Variants in PHIP observed in about 807,000 individuals in gnomAD.
The protein encoded by PHIP is PH-interacting protein.
Under a neutral mutation model 236.8 loss-of-function variants are expected in PHIP, and 54 were observed. That is an observed-to-expected ratio of 0.23 (90% CI 0.18 to 0.29). The LOEUF (loss-of-function observed/expected upper bound fraction) is 0.29, where lower values mean the gene tolerates loss of function less well. Ranked by LOEUF, PHIP falls within the 10% of genes least tolerant of loss-of-function variation. The pLI is 1.00. For synonymous variants in PHIP, 756 were observed against 718.9 expected, an observed-to-expected ratio of 1.05 and a Z score of -0.83; for missense variants, 1,370 against 2,190.8, an observed-to-expected ratio of 0.63 and a Z score of 7.48.
chr6:78,973,713 A>G (rs1767801164), intron 24 of PHIP, among the ~76,000 whole-genome samples: 2 of 151,826 alleles, frequency 1.3e-5, no homozygotes, highest in African/African-American at 4.8e-5. Flanking sequence ...ACAAAAAAAG[A>G]CAGGGGTTGC....
At chr6:79,015,871 T>A (rs1582226390) in intron 13 of PHIP, 88 bp from the exon 14 acceptor site, 2 of 795,978 alleles carry the variant, frequency 2.5e-6, no homozygotes, top group East Asian at 5.6e-5. Flanking sequence ...GTATTTATAT[T>A]CACTAACATA....
intron 29 of PHIP, among the ~76,000 whole-genome samples, chr6:78,964,545 C>T (rs13202531): frequency 0.45 from 68,902 of 151,938 alleles, 16,216 homozygotes; most frequent in East Asian, 0.69. Flanking sequence ...CAGGCTGGAG[C>T]GCAGTGGTGC....
chr6:79,009,299 C>T (rs920769365), intron 15 of PHIP, among the ~76,000 whole-genome samples: 1 of 152,052 alleles, frequency 6.6e-6, no homozygotes, highest in African/African-American at 2.4e-5. Context: ...ATGAACATGT[C>T]TTGACACTTA....
At chr6:78,960,977 A>T (rs1220978529) in intron 31 of PHIP, among the ~76,000 whole-genome samples, 18 of 152,274 alleles carry the variant, frequency 1.2e-4, no homozygotes, top group Admixed American at 1.0e-3. Flanking sequence ...ACACAAATTA[A>T]ATTGTTGGAC....
chr6:79,015,857 A>C (rs772683458), intron 13 of PHIP, 74 bp from the exon 14 acceptor site: 15 of 929,034 alleles, frequency 1.6e-5, no homozygotes, highest in Admixed American at 2.5e-5. Context: ...ATAATCTATA[A>C]TTAGTATTTA....
At chr6:79,002,324 G>T (rs1770046524) in intron 16 of PHIP, among the ~76,000 whole-genome samples, 200 bp from the exon 17 acceptor site, 1 of 152,062 alleles carries the variant, frequency 6.6e-6, no homozygotes, top group Non-Finnish European at 1.5e-5. Flanking sequence ...GATCAGAAAA[G>T]TAGCTGCTTT....
chr6:79,051,052 A>G (rs988478656), intron 6 of PHIP, among the ~76,000 whole-genome samples: 5 of 152,184 alleles, frequency 3.3e-5, no homozygotes, highest in African/African-American at 7.2e-5. Context: ...AGGGAATCAT[A>G]TAAGGAGGAA....
rs562881804 is a variant in PHIP, at chr6:78,994,303, C to T, written c.2201+3111G>A. Among the ~76,000 whole-genome samples the T allele has an allele frequency of 5.3e-5, 8 of 152,240 alleles. No individual in the cohort carries two copies. The East Asian group carries it at 9.7e-4, about 18-fold the overall frequency. On this transcript the variant is annotated intron_variant, in intron 19 of 39. Coordinates refer to ENST00000275034, the MANE Select transcript of PHIP (RefSeq NM_017934.7). ...AGAAAACTATATGAACTTGGCCAGG[C>T]GCGGTGGCTCATGCCTGTAATCTCA...
At chr6:78,946,318 A>T in intron 37 of PHIP, 58 bp from the exon 38 acceptor site, 2 of 1,494,594 alleles carry the variant, frequency 1.3e-6, no homozygotes, top group Non-Finnish European at 1.8e-6. Context: ...CGAATAAAAC[A>T]GTTTATAATA....
chr6:79,057,794 T>G (rs1333524644), intron 6 of PHIP, among the ~76,000 whole-genome samples: 1 of 152,098 alleles, frequency 6.6e-6, no homozygotes, highest in Non-Finnish European at 1.5e-5. Flanking sequence ...TGAACCATAC[T>G]GTAACAGCTT....
Position 78,961,869 on chromosome 6 carries a change from G to T in PHIP, c.3536-59C>A, listed in dbSNP as rs534776081. The T allele has an allele frequency of 5.1e-6, 7 of 1,359,666 alleles. No individual in the cohort carries two copies. The South Asian group carries it at 9.1e-5, about 18-fold the overall frequency. 84.2% of individuals were successfully genotyped at this position (1,359,666 alleles called of 1,614,324 possible). ...TTGTATGCCTAAAATAATTCAAGAA[G>T]AATTCTGCTTGAATTAAGACTTAAA... On this transcript the variant is annotated intron_variant, in intron 30 of 39. Coordinates refer to ENST00000275034, the MANE Select transcript of PHIP (RefSeq NM_017934.7).
chr6:79,002,189 T>C (rs1489146201), intron 16 of PHIP, 65 bp from the exon 17 acceptor site: 9 of 1,108,636 alleles, frequency 8.1e-6, no homozygotes, highest in Admixed American at 6.3e-5. Flanking sequence ...AAAAAAAGTC[T>C]ACATCATTTC....
intron 39 of PHIP, among the ~76,000 whole-genome samples, chr6:78,941,729 T>G (rs1773511491): frequency 6.6e-6 from 1 of 152,144 alleles, no homozygotes; most frequent in Non-Finnish European, 1.5e-5. Context: ...TCACAGGCTT[T>G]GAAAAGTCCT....
chr6:78,943,650 A>G (rs1008716528), intron 39 of PHIP, among the ~76,000 whole-genome samples: 24 of 152,198 alleles, frequency 1.6e-4, no homozygotes, highest in African/African-American at 5.1e-4. Flanking sequence ...CAACATTATA[A>G]GTACCACCAA....
chr6:79,015,336 G>T, intron 14 of PHIP, 120 bp from the exon 15 acceptor site: 1 of 807,706 alleles, frequency 1.2e-6, no homozygotes, highest in Non-Finnish European at 1.9e-6. Context: ...TATTAAATTG[G>T]CAAAAATCTT....
intron 22 of PHIP, 126 bp downstream of exon 22, chr6:78,985,226 A>G: frequency 1.5e-6 from 1 of 649,600 alleles, no homozygotes; most frequent in Non-Finnish European, 2.8e-6. Flanking sequence ...CATTTCATAC[A>G]ACTTCAAAAA....
intron 19 of PHIP, among the ~76,000 whole-genome samples, chr6:78,991,751 A>G (rs923929509): frequency 1.4e-4 from 21 of 152,182 alleles, no homozygotes; most frequent in African/African-American, 5.1e-4. Flanking sequence ...ACTTAACGGC[A>G]CAATCTCCAT....
At chr6:79,033,664 A>G (rs1582257789) in intron 7 of PHIP, among the ~76,000 whole-genome samples, 3 of 152,262 alleles carry the variant, frequency 2.0e-5, no homozygotes, top group African/African-American at 4.8e-5. Context: ...TTGATCTCCT[A>G]TAGAGACCAC....
chr6:78,961,416 G>A (rs1408620025), intron 31 of PHIP, among the ~76,000 whole-genome samples: 1 of 151,946 alleles, frequency 6.6e-6, no homozygotes, highest in Admixed American at 6.6e-5. Context: ...ATCAAATCAT[G>A]TCAGCCTCTA....
Sources: gnomAD v4.1 joint callset for allele counts (sites outside exome capture counted in the v4.1 genomes callset) on GRCh38, gnomAD v4.1.1 for gene constraint, MANE v1.5 for transcripts, NCBI Gene and HGNC (gene_info 2026-07-23, HGNC 2026-07-21) for gene names.